Variants in LRRC4C observed in about 807,000 individuals in gnomAD.
LRRC4C encodes leucine rich repeat containing 4C.
In LRRC4C, 5 loss-of-function variants were observed where a neutral mutation model predicts 33.6. The observed-to-expected ratio is 0.15, with a 90% CI of 0.08 to 0.31. The LOEUF (loss-of-function observed/expected upper bound fraction) is 0.31, where lower values mean the gene tolerates loss of function less well. Ranked by LOEUF, LRRC4C falls within the 10% of genes least tolerant of loss-of-function variation. LRRC4C has a pLI of 1.00. For missense variants in LRRC4C, 560 were observed against 796.7 expected (o/e 0.70, Z 3.58); for synonymous variants, 329 against 302.0 (o/e 1.09, Z -0.93).
chr11:40,798,244 T>G (rs1950908959), intron 2 of LRRC4C, among the ~76,000 whole-genome samples: 1 of 152,184 alleles, frequency 6.6e-6, no homozygotes, highest in Admixed American at 6.5e-5. Context: ...CCAAGAATGC[T>G]ATGTGTGCAC....
intron 1 of LRRC4C, among the ~76,000 whole-genome samples, chr11:40,993,175 A>G (rs1030030519): frequency 2.0e-5 from 3 of 152,154 alleles, no homozygotes; most frequent in Non-Finnish European, 4.4e-5. Flanking sequence ...TTGCAGTTGT[A>G]CTGCAGCATC....
chr11:40,525,216 G>A (rs1339918472), intron 3 of LRRC4C, among the ~76,000 whole-genome samples: 1 of 152,192 alleles, frequency 6.6e-6, no homozygotes, highest in African/African-American at 2.4e-5. Flanking sequence ...GGAGGTCGAG[G>A]CAGGTGGATC....
chr11:40,280,734 T>C (rs1247547143), intron 4 of LRRC4C, among the ~76,000 whole-genome samples: 4 of 152,170 alleles, frequency 2.6e-5, no homozygotes, highest in African/African-American at 7.2e-5. Flanking sequence ...GCTCTGCACT[T>C]GCCTGGAGCG....
At chr11:40,757,634 G>T (rs1949018304) in intron 2 of LRRC4C, among the ~76,000 whole-genome samples, 2 of 144,810 alleles carry the variant, frequency 1.4e-5, no homozygotes, top group Non-Finnish European at 1.5e-5. Context: ...TTCTCAGCAA[G>T]CTGTTGTCTT....
intron 2 of LRRC4C, among the ~76,000 whole-genome samples, chr11:40,712,942 G>T (rs1241715571): frequency 1.3e-5 from 2 of 151,462 alleles, no homozygotes; most frequent in African/African-American, 4.9e-5. Flanking sequence ...AAGCTGGAGT[G>T]CAGTGGTGTG....
intron 2 of LRRC4C, among the ~76,000 whole-genome samples, chr11:40,733,283 G>C (rs1234267602): frequency 6.6e-6 from 1 of 151,780 alleles, no homozygotes; most frequent in East Asian, 1.9e-4. Context: ...CACCATGTTA[G>C]CCAGGATGGT....
chr11:40,986,179 C>A (rs1346589630), intron 1 of LRRC4C, among the ~76,000 whole-genome samples: 1 of 152,090 alleles, frequency 6.6e-6, no homozygotes, highest in African/African-American at 2.4e-5. Flanking sequence ...AAGTTTGATT[C>A]AGAAGGCTCT....
At position 41,344,149 on chromosome 11, in the gene LRRC4C, T is replaced by C. The variant is rs147697977; in HGVS notation, c.-496+115282A>G. 8.8e-3 allele frequency among the ~76,000 whole-genome samples: 1,340 copies of C among 152,014 alleles called. 8 individuals carry two copies. Among genetic ancestry groups the C allele is most frequent in the Admixed American group, 0.015 (225 of 15,248 alleles). On this transcript the variant is annotated intron_variant, in intron 1 of 6. Transcript: ENST00000528697. ...CCTCTGCCTTGAGAGAACATCCCCA[T>C]TCCCCATGTCTTCCGCTTCCAGAGC...
At chr11:40,202,381 A>C (rs1194107236) in intron 5 of LRRC4C, among the ~76,000 whole-genome samples, 2 of 152,072 alleles carry the variant, frequency 1.3e-5, no homozygotes, top group African/African-American at 2.4e-5. Flanking sequence ...CCTTGAGAAA[A>C]TTAATCACAA....
At chr11:40,568,339 CCA>C (rs1223101779) in intron 3 of LRRC4C, among the ~76,000 whole-genome samples, 1 of 152,178 alleles carries the variant, frequency 6.6e-6, no homozygotes, top group Non-Finnish European at 1.5e-5. Flanking sequence ...AGTGACTCCT[CCA>C]CAGTTCAGCC....
intron 3 of LRRC4C, among the ~76,000 whole-genome samples, chr11:40,520,734 A>G (rs1955775377): frequency 6.6e-6 from 1 of 152,204 alleles, no homozygotes; most frequent in Non-Finnish European, 1.5e-5. Context: ...TGATAGACTT[A>G]TTGGACACAG....
At chr11:41,250,760 C>G (rs1948612296) in intron 1 of LRRC4C, among the ~76,000 whole-genome samples, 1 of 152,156 alleles carries the variant, frequency 6.6e-6, no homozygotes, top group Non-Finnish European at 1.5e-5. Flanking sequence ...CTAAATTGAA[C>G]TTGACGTGGT....
intron 1 of LRRC4C, among the ~76,000 whole-genome samples, chr11:41,420,004 A>G (rs1227260835): frequency 1.3e-5 from 2 of 151,892 alleles, no homozygotes; most frequent in Non-Finnish European, 2.9e-5. Context: ...GGAGGTCAGT[A>G]ATACCGCAGG....
chr11:41,122,475 C>T (rs1942490135), intron 1 of LRRC4C, among the ~76,000 whole-genome samples: 1 of 151,916 alleles, frequency 6.6e-6, no homozygotes, highest in Admixed American at 6.6e-5. Flanking sequence ...AAAGCCTTGA[C>T]ATTTTCAACT....
intron 5 of LRRC4C, among the ~76,000 whole-genome samples, chr11:40,216,408 T>C (rs1343448848): frequency 6.6e-6 from 1 of 152,200 alleles, no homozygotes; most frequent in Non-Finnish European, 1.5e-5. Context: ...TGATAGAGGA[T>C]GAATAGATTC....
chr11:40,927,172 G>A (rs930086399), intron 2 of LRRC4C, among the ~76,000 whole-genome samples: 1 of 151,976 alleles, frequency 6.6e-6, no homozygotes, highest in Non-Finnish European at 1.5e-5. Context: ...TCAGGAGTTC[G>A]AGACCAGCCT....
intron 1 of LRRC4C, among the ~76,000 whole-genome samples, chr11:41,270,008 G>A (rs950676669): frequency 1.3e-5 from 2 of 152,004 alleles, no homozygotes; most frequent in Non-Finnish European, 2.9e-5. Context: ...ATATTTAGCG[G>A]GGGATTGGTT....
At chr11:40,405,535 G>C (rs1313916275) in intron 3 of LRRC4C, among the ~76,000 whole-genome samples, 1 of 148,812 alleles carries the variant, frequency 6.7e-6, no homozygotes, top group African/African-American at 2.5e-5. Context: ...TACTCGGGAG[G>C]CTGAGGCAGG....
At chr11:40,349,342 A>G (rs2137069565) in intron 3 of LRRC4C, among the ~76,000 whole-genome samples, 1 of 152,224 alleles carries the variant, frequency 6.6e-6, no homozygotes, top group Non-Finnish European at 1.5e-5. Context: ...TGTCAGGCTT[A>G]CTTCACATTA....
Sources: allele counts gnomAD v4.1 joint callset (sites outside exome capture counted in the v4.1 genomes callset), GRCh38; gene constraint gnomAD v4.1.1; transcripts MANE v1.5; gene names NCBI Gene and HGNC (gene_info 2026-07-23, HGNC 2026-07-21).